The following TAFA1 variants were observed in gnomAD, a reference collection of about 807,000 sequenced individuals.
The protein encoded by TAFA1 is chemokine-like protein TAFA-1.
A neutral mutation model predicts 18.5 loss-of-function variants in TAFA1; 4 were observed. That is an observed-to-expected ratio of 0.22 (90% CI 0.11 to 0.49). The LOEUF is 0.49. TAFA1 is among the 20% of genes least tolerant of loss of function. The pLI is 0.98. For synonymous variants in TAFA1, 56 were observed against 55.2 expected (o/e 1.01, Z -0.06); for missense variants, 147 against 169.0 (o/e 0.87, Z 0.72).
intron 2 of TAFA1, among the ~76,000 whole-genome samples, chr3:68,339,255 G>A (rs1274910746): frequency 6.6e-6 from 1 of 152,128 alleles, no homozygotes; most frequent in Non-Finnish European, 1.5e-5. Flanking sequence ...GGCATTAAAA[G>A]AACTGAATTT....
chr3:68,417,330 C>A lies in TAFA1; in HGVS notation c.169C>A (p.Arg57Ser), dbSNP rs779006091. 1.2e-6 allele frequency: 2 copies of A among 1,613,390 alleles called. No individual in the cohort carries two copies. The highest frequency in any genetic ancestry group is 1.7e-6 in the Non-Finnish European group (2 of 1,179,590). Residue 57 changes from arginine to serine, a missense_variant, in exon 3 of 5, where the codon CGC (arginine) becomes AGC (serine). Coordinates refer to ENST00000478136, the MANE Select transcript of TAFA1 (RefSeq NM_213609.4). ...AGCACACCGATGTTGTAACAAGAAT[C>A]GCATTGAGGAGCGGTCACAAACAGT... is the stretch of plus-strand genomic sequence containing the variant. ...IAAHRCCNKN[R>S]IEERSQTVKC...
At chr3:68,062,629 T>G (rs538704787) in intron 2 of TAFA1, among the ~76,000 whole-genome samples, 3 of 152,302 alleles carry the variant, frequency 2.0e-5, no homozygotes, top group Admixed American at 6.5e-5. Context: ...AATGGAAAAG[T>G]CTAAACCATA....
chr3:68,384,766 G>GT (rs1196559913), intron 2 of TAFA1, among the ~76,000 whole-genome samples: 1 of 151,984 alleles, frequency 6.6e-6, no homozygotes, highest in Non-Finnish European at 1.5e-5. Context: ...TCAATGGGGT[G>GT]TTAAAATCTC....
intron 2 of TAFA1, among the ~76,000 whole-genome samples, chr3:68,332,132 A>G (rs1250980192): frequency 4.6e-5 from 7 of 151,618 alleles, no homozygotes; most frequent in Admixed American, 6.6e-5. Context: ...CAAAGTGCTG[A>G]GATTACAGGT....
chr3:68,109,356 T>G (rs2106833142), intron 2 of TAFA1, among the ~76,000 whole-genome samples: 1 of 152,306 alleles, frequency 6.6e-6, no homozygotes, highest in Middle Eastern at 3.4e-3. Context: ...TGCGACATAC[T>G]TTCATGTGTT....
intron 2 of TAFA1, among the ~76,000 whole-genome samples, chr3:68,196,999 G>T (rs372036863): frequency 3.3e-4 from 50 of 151,814 alleles, no homozygotes; most frequent in African/African-American, 1.1e-3. Flanking sequence ...TGTGTGAGAA[G>T]ACATCCTGGA....
intron 2 of TAFA1, among the ~76,000 whole-genome samples, chr3:68,254,129 GTATGTATCTATC>G (rs1227457039): frequency 4.2e-5 from 5 of 120,276 alleles, no homozygotes; most frequent in African/African-American, 1.6e-4. Flanking sequence ...ATGTATGTAT[GTATGTATCTATC>G]TATCTATCTA....
intron 4 of TAFA1, among the ~76,000 whole-genome samples, chr3:68,542,410 G>A (rs114231899): frequency 2.2e-4 from 34 of 152,224 alleles, no homozygotes; most frequent in Non-Finnish European, 4.1e-4. Context: ...TGCAGTTTTA[G>A]ACACCTATTT....
intron 2 of TAFA1, among the ~76,000 whole-genome samples, chr3:68,407,570 A>C (rs534149901): frequency 7.9e-5 from 12 of 152,264 alleles, no homozygotes; most frequent in African/African-American, 2.6e-4. Flanking sequence ...CCTTACTCTT[A>C]AACCAAGACC....
chr3:68,139,177 T>C (rs920818555), intron 2 of TAFA1, among the ~76,000 whole-genome samples: 8 of 152,192 alleles, frequency 5.3e-5, no homozygotes, highest in African/African-American at 1.9e-4. Context: ...ATTATATACA[T>C]AATATTTATT....
chr3:68,407,022 T>C (rs765179779), intron 2 of TAFA1, among the ~76,000 whole-genome samples: 6 of 152,212 alleles, frequency 3.9e-5, no homozygotes, highest in Non-Finnish European at 7.3e-5. Flanking sequence ...GAGTTGATTA[T>C]GGTATTACCT....
At chr3:68,447,620 T>C (rs905155558) in intron 3 of TAFA1, among the ~76,000 whole-genome samples, 1 of 152,208 alleles carries the variant, frequency 6.6e-6, no homozygotes, top group African/African-American at 2.4e-5. Flanking sequence ...TGGATGGTAG[T>C]TGAAAATTTT....
At chr3:68,378,627 T>G (rs1189242606) in intron 2 of TAFA1, among the ~76,000 whole-genome samples, 1 of 152,134 alleles carries the variant, frequency 6.6e-6, no homozygotes, top group East Asian at 1.9e-4. Flanking sequence ...TGAAAAGACA[T>G]GAGATTTGGG....
intron 2 of TAFA1, among the ~76,000 whole-genome samples, chr3:68,315,400 A>C (rs923646087): frequency 6.6e-6 from 1 of 152,110 alleles, no homozygotes; most frequent in Non-Finnish European, 1.5e-5. Flanking sequence ...TTGTGCATGG[A>C]AAGTGTTAAT....
intron 4 of TAFA1, among the ~76,000 whole-genome samples, chr3:68,542,779 T>G (rs1553702022): frequency 6.6e-6 from 1 of 152,154 alleles, no homozygotes; most frequent in Non-Finnish European, 1.5e-5. Context: ...TACATTCTTT[T>G]GGTCTTTGAC....
chr3:68,534,450 T>C (rs1166097725), intron 3 of TAFA1, among the ~76,000 whole-genome samples: 1 of 152,242 alleles, frequency 6.6e-6, no homozygotes, highest in Non-Finnish European at 1.5e-5. Flanking sequence ...ATGCCTTTTT[T>C]TCCTGTTAAT....
intron 2 of TAFA1, among the ~76,000 whole-genome samples, chr3:68,021,946 T>C (rs1704700375): frequency 6.6e-6 from 1 of 152,190 alleles, no homozygotes; most frequent in African/African-American, 2.4e-5. Flanking sequence ...GATCAAACTT[T>C]ATTATCTCTT....
At chr3:68,309,244 A>T (rs1015516077) in intron 2 of TAFA1, among the ~76,000 whole-genome samples, 5 of 152,242 alleles carry the variant, frequency 3.3e-5, no homozygotes, top group Non-Finnish European at 7.3e-5. Flanking sequence ...GGTGTCCAAG[A>T]CATATTTTCT....
chr3:68,475,099 G>C (rs2072065680), intron 3 of TAFA1, among the ~76,000 whole-genome samples: 1 of 151,494 alleles, frequency 6.6e-6, no homozygotes, highest in South Asian at 2.1e-4. Context: ...AACGATTCCT[G>C]GTCCCAATCT....
Sources: gnomAD v4.1 joint callset for allele counts (sites outside exome capture counted in the v4.1 genomes callset) on GRCh38, gnomAD v4.1.1 for gene constraint, MANE v1.5 for transcripts, NCBI Gene and HGNC (gene_info 2026-07-23, HGNC 2026-07-21) for gene names.